Variants in TRMT9B observed in about 807,000 individuals in gnomAD.
The protein encoded by TRMT9B is probable tRNA methyltransferase 9B.
TRMT9B carries 16 observed loss-of-function variants against 11.5 expected under a neutral mutation model. That is an observed-to-expected ratio of 1.39 (90% CI 0.94 to 2.11). The LOEUF is 2.11. Ranked by LOEUF, TRMT9B falls within the 30% of genes most tolerant of loss-of-function variation. The probability of loss-of-function intolerance (pLI) is 0.00; values close to 1 mark genes in which losing one functional copy is unlikely to be tolerated. For missense variants in TRMT9B, 941 were observed against 553.8 expected, an observed-to-expected ratio of 1.70 and a Z score of -7.02; for synonymous variants, 274 against 192.4, an observed-to-expected ratio of 1.42 and a Z score of -3.51.
At chr8:12,996,373 G>T (rs1454317832) in intron 2 of TRMT9B, among the ~76,000 whole-genome samples, 3 of 152,104 alleles carry the variant, frequency 2.0e-5, no homozygotes, top group African/African-American at 7.2e-5. Context: ...TCTATTCTTG[G>T]CTGGTTACTG....
intron 1 of TRMT9B, among the ~76,000 whole-genome samples, chr8:12,975,261 A>G (rs1362180532): frequency 1.3e-5 from 2 of 152,138 alleles, no homozygotes; most frequent in East Asian, 1.9e-4. Context: ...ATTTGCTGGT[A>G]TAAGCCCATG....
chr8:13,010,780 A>T (rs1345934784), intron 3 of TRMT9B: 5 of 983,036 alleles, frequency 5.1e-6, no homozygotes, highest in Non-Finnish European at 6.0e-6. Context: ...TATTTTTCTT[A>T]AAATAGGACC....
intron 1 of TRMT9B, among the ~76,000 whole-genome samples, chr8:12,953,440 C>A (rs1255864800): frequency 2.0e-5 from 3 of 152,120 alleles, no homozygotes; most frequent in Non-Finnish European, 2.9e-5. Context: ...ACTTCCGTCT[C>A]CCGAGTTCAA....
chr8:13,013,262 T>C (rs1563431301), intron 4 of TRMT9B, among the ~76,000 whole-genome samples: 1 of 152,188 alleles, frequency 6.6e-6, no homozygotes, highest in Non-Finnish European at 1.5e-5. Flanking sequence ...TAACAGAGAA[T>C]TCTAGGGCTA....
At chr8:12,952,285 C>T (rs1261216960) in intron 1 of TRMT9B, 6 of 388,198 alleles carry the variant, frequency 1.5e-5, no homozygotes, top group Non-Finnish European at 3.2e-5. Context: ...TCGGCGCCCG[C>T]CCGCAGGGAG....
At chr8:13,003,345 T>A (rs1290131166) in intron 2 of TRMT9B, among the ~76,000 whole-genome samples, 1 of 152,154 alleles carries the variant, frequency 6.6e-6, no homozygotes, top group Non-Finnish European at 1.5e-5. Context: ...TAGAATAGAA[T>A]AATTACAGGG....
At chr8:12,975,423 GA>G (rs34329789) in intron 1 of TRMT9B, among the ~76,000 whole-genome samples, 8,013 of 147,488 alleles carry the variant, frequency 0.054, 264 homozygotes, top group South Asian at 0.1. Flanking sequence ...TAGCAGGAAA[GA>G]AAAAAAAAAG....
intron 2 of TRMT9B, among the ~76,000 whole-genome samples, chr8:13,003,581 G>T (rs1809857753): frequency 6.6e-6 from 1 of 152,064 alleles, no homozygotes; most frequent in African/African-American, 2.4e-5. Flanking sequence ...TAATGCTGAG[G>T]AAAGATGGTG....
At chr8:13,015,254 GT>G (rs1275793336) in intron 4 of TRMT9B, among the ~76,000 whole-genome samples, 1 of 151,574 alleles carries the variant, frequency 6.6e-6, no homozygotes, top group Non-Finnish European at 1.5e-5. Flanking sequence ...TCGAAGCAAT[GT>G]TTTTTTAGAT....
intron 3 of TRMT9B, chr8:13,011,959 G>A: frequency 2.0e-6 from 2 of 985,382 alleles, no homozygotes; most frequent in Non-Finnish European, 1.2e-6. Context: ...CAAGTGGTAA[G>A]AATCTTTGGA....
chr8:12,983,432 G>A (rs1237580572), intron 1 of TRMT9B, among the ~76,000 whole-genome samples: 2 of 152,162 alleles, frequency 1.3e-5, no homozygotes, highest in Non-Finnish European at 2.9e-5. Flanking sequence ...CACTTTGGGT[G>A]GCTGAGGAGG....
chr8:12,986,916 G>A (rs1295681510), intron 1 of TRMT9B, among the ~76,000 whole-genome samples: 2 of 152,062 alleles, frequency 1.3e-5, no homozygotes, highest in Non-Finnish European at 2.9e-5. Context: ...CATCCATGAA[G>A]TGCCAGTCTA....
chr8:12,979,919 T>C (rs1407526040), intron 1 of TRMT9B, among the ~76,000 whole-genome samples: 1 of 152,118 alleles, frequency 6.6e-6, no homozygotes, highest in Admixed American at 6.6e-5. Context: ...ACCCTGATCG[T>C]CTGAGAAGGA....
chr8:13,018,132 T>C (rs1030988342), intron 4 of TRMT9B, among the ~76,000 whole-genome samples: 1 of 142,046 alleles, frequency 7.0e-6, no homozygotes. Context: ...CCAGGCGTGG[T>C]GGTTCATGCC....
At chr8:12,964,199 TA>T (rs1802510302) in intron 1 of TRMT9B, among the ~76,000 whole-genome samples, 2 of 152,232 alleles carry the variant, frequency 1.3e-5, no homozygotes, top group South Asian at 4.1e-4. Flanking sequence ...TTTTCAAAAA[TA>T]TTGTATTGCA....
intron 1 of TRMT9B, among the ~76,000 whole-genome samples, chr8:12,948,651 T>G (rs1800382616): frequency 6.6e-6 from 1 of 151,738 alleles, no homozygotes; most frequent in African/African-American, 2.4e-5. Flanking sequence ...CACAGTGAAG[T>G]TAAGTGTAAC....
intron 2 of TRMT9B, among the ~76,000 whole-genome samples, chr8:12,997,759 A>G (rs1369521068): frequency 6.6e-6 from 1 of 152,154 alleles, no homozygotes; most frequent in African/African-American, 2.4e-5. Context: ...ATATGTATAT[A>G]CTTTTAAGAG....
At chr8:12,976,140 G>T (rs539098232) in intron 1 of TRMT9B, among the ~76,000 whole-genome samples, 1 of 152,162 alleles carries the variant, frequency 6.6e-6, no homozygotes, top group Admixed American at 6.5e-5. Flanking sequence ...ACAGTCAGTC[G>T]GACCAGGACC....
chr8:12,984,876 A>G (rs1324642251), intron 1 of TRMT9B, among the ~76,000 whole-genome samples: 3 of 151,382 alleles, frequency 2.0e-5, no homozygotes, highest in African/African-American at 4.9e-5. Flanking sequence ...TTGGTAACTG[A>G]TCTCATGACC....
Sources: allele counts gnomAD v4.1 joint callset (sites outside exome capture counted in the v4.1 genomes callset), GRCh38; gene constraint gnomAD v4.1.1; transcripts MANE v1.5; gene names NCBI Gene and HGNC (gene_info 2026-07-23, HGNC 2026-07-21).